ACTR3B: variants seen among roughly 807,000 people sequenced by gnomAD.
ACTR3B encodes actin-related protein 3B.
A neutral mutation model predicts 59.0 loss-of-function variants in ACTR3B; 8 were observed. The observed-to-expected ratio is 0.14, with a 90% CI of 0.08 to 0.24. The LOEUF (loss-of-function observed/expected upper bound fraction) is 0.24. Among genes scored for constraint, ACTR3B ranks in the 10% least tolerant of loss-of-function variants. The pLI is 1.00. For missense variants in ACTR3B, 245 were observed against 552.3 expected (o/e 0.44, Z 5.58); for synonymous variants, 148 against 197.9 (o/e 0.75, Z 2.12).
Position 152,854,460 on chromosome 7 carries a change from C to A in ACTR3B, c.1164C>A (p.Pro388=). Residue 388 remains proline (P), a splice_region_variant and synonymous_variant, in exon 12 of 12, where the codon CCC becomes CCA. Transcript: ENST00000256001. The surrounding 1 kb of genome is among the most constrained non-coding windows in gnomAD (Gnocchi z 4.9). ...WFGGSMLAST[P]EFFQVCHTKK... Reference sequence around the variant, plus strand: ...TGTCTGCCTGTTGCCTCTCGTAGCCCGAGTTCTTTCAGGTCTGCCACACCA... The same window carrying A: ...TGTCTGCCTGTTGCCTCTCGTAGCCAGAGTTCTTTCAGGTCTGCCACACCA... The A allele has an allele frequency of 6.2e-7, 1 of 1,613,906 alleles. No individual in the cohort carries two copies. Among genetic ancestry groups the A allele is most frequent in the Non-Finnish European group, 8.5e-7 (1 of 1,179,912 alleles).
chr7:152,852,507 GT>G (rs1213275676), intron 10 of ACTR3B, among the ~76,000 whole-genome samples: 1 of 152,206 alleles, frequency 6.6e-6, no homozygotes, highest in Non-Finnish European at 1.5e-5. Flanking sequence ...CCTGCCAGCA[GT>G]TTCCTTTTGT....
chr7:152,848,608 A>G (rs1390130916), intron 9 of ACTR3B, among the ~76,000 whole-genome samples: 1 of 152,248 alleles, frequency 6.6e-6, no homozygotes, highest in Non-Finnish European at 1.5e-5. Flanking sequence ...TCTCCAGAAT[A>G]TCATCGGCCA....
rs59352395 is a variant in ACTR3B, at chr7:152,775,841, G to A, written c.45-7346G>A. On this transcript the variant is annotated intron_variant, in intron 1 of 11. Transcript: ENST00000256001. Reference sequence around the variant, plus strand: ...TTGGAAAGATACACAGGAATAGAAGGTGGATAGAAGGCAGAAATGAGGTAG... The same window carrying A: ...TTGGAAAGATACACAGGAATAGAAGATGGATAGAAGGCAGAAATGAGGTAG... 4.4e-3 allele frequency among the ~76,000 whole-genome samples: 664 copies of A among 152,234 alleles called. 2 individuals are homozygous for A. Among genetic ancestry groups the A allele is most frequent in the African/African-American group, 0.015 (630 of 41,530 alleles).
At chr7:152,829,710 C>T (rs1315933882) in intron 9 of ACTR3B, among the ~76,000 whole-genome samples, 2 of 152,132 alleles carry the variant, frequency 1.3e-5, no homozygotes, top group African/African-American at 4.8e-5. Context: ...GGAGCCTGGA[C>T]ACCTGGATGG....
In ACTR3B at chr7:152,759,816, C is replaced by G; in HGVS notation, c.-67C>G. On this transcript the variant is annotated 5_prime_UTR_variant, in exon 1 of 12. Coordinates refer to ENST00000256001, the MANE Select transcript of ACTR3B (RefSeq NM_020445.6). The stretch of plus-strand genomic sequence containing the variant: ...AGACGCTGCGCGCGGGGCTAGCGGG[C>G]GGCGGAGCGGACGGCGACGGGGCGC... The G allele has an allele frequency of 8.7e-7, 1 of 1,146,352 alleles. No individual in the cohort carries two copies. The highest frequency in any genetic ancestry group is 4.6e-5 in the Admixed American group (1 of 21,816). 71.0% of individuals were successfully genotyped at this position (1,146,352 alleles called of 1,614,324 possible).
At chr7:152,761,249 C>A (rs1231818203) in intron 1 of ACTR3B, among the ~76,000 whole-genome samples, 6 of 152,166 alleles carry the variant, frequency 3.9e-5, no homozygotes, top group African/African-American at 1.4e-4. Flanking sequence ...AGCTCCCCTC[C>A]CTCAATTATT....
chr7:152,780,236 A>G (rs1350963416), intron 1 of ACTR3B, among the ~76,000 whole-genome samples: 2 of 151,662 alleles, frequency 1.3e-5, no homozygotes, highest in African/African-American at 4.8e-5. Context: ...CTGTAATTCC[A>G]GCTACTGAGG....
intron 1 of ACTR3B, among the ~76,000 whole-genome samples, chr7:152,766,619 C>T (rs1254739996): frequency 1.4e-4 from 21 of 152,240 alleles, no homozygotes; most frequent in South Asian, 2.1e-4. Flanking sequence ...TAATGATATA[C>T]GTTGCAAATA....
intron 9 of ACTR3B, among the ~76,000 whole-genome samples, chr7:152,850,185 G>C (rs1472361110): frequency 1.3e-5 from 2 of 151,950 alleles, no homozygotes; most frequent in African/African-American, 4.8e-5. Flanking sequence ...TGGAAGACCA[G>C]ATCACTGGTG....
At chr7:152,797,451 T>G (rs551207253) in intron 2 of ACTR3B, among the ~76,000 whole-genome samples, 9 of 152,352 alleles carry the variant, frequency 5.9e-5, no homozygotes, top group African/African-American at 2.2e-4. Context: ...AATATGATGT[T>G]TTGAAGTATA....
At chr7:152,822,371 A>G (rs1796242913) in intron 7 of ACTR3B, among the ~76,000 whole-genome samples, 1 of 152,202 alleles carries the variant, frequency 6.6e-6, no homozygotes, top group African/African-American at 2.4e-5. Flanking sequence ...ACCTGCTGCT[A>G]TGCGGAGGCC....
chr7:152,848,872 C>T (rs1162845730), intron 9 of ACTR3B, among the ~76,000 whole-genome samples: 1 of 152,182 alleles, frequency 6.6e-6, no homozygotes, highest in Admixed American at 6.5e-5. Flanking sequence ...TCCCTAGACT[C>T]TGACAGGAGC....
chr7:152,773,398 C>G lies in ACTR3B; in HGVS notation c.45-9789C>G, dbSNP rs571994120. On this transcript the variant is annotated intron_variant, in intron 1 of 11. Transcript: ENST00000256001. ...AGGTCAGAGTTCGAGACCAGCCTGGCCAACATGGTGAAACCCCGTCTCTAC... is the reference window on the plus strand; with the variant it reads ...AGGTCAGAGTTCGAGACCAGCCTGGGCAACATGGTGAAACCCCGTCTCTAC... Among the ~76,000 whole-genome samples, 48 of 152,152 alleles carry G rather than the reference C, an allele frequency of 3.2e-4. 1 individual carries two copies. The South Asian group carries it at 9.5e-3, about 30-fold the overall frequency.
chr7:152,761,695 C>G (rs959382190), intron 1 of ACTR3B, among the ~76,000 whole-genome samples: 3 of 152,076 alleles, frequency 2.0e-5, no homozygotes, highest in Non-Finnish European at 4.4e-5. Context: ...TTCCCCATAT[C>G]GAGTGTATGG....
At chr7:152,852,470 G>C (rs1013309996) in intron 10 of ACTR3B, among the ~76,000 whole-genome samples, 1 of 152,192 alleles carries the variant, frequency 6.6e-6, no homozygotes, top group Non-Finnish European at 1.5e-5. Context: ...ACACAGCAAC[G>C]GCAGCTTCAC....
intron 1 of ACTR3B, among the ~76,000 whole-genome samples, chr7:152,769,075 A>G (rs1488646260): frequency 6.6e-6 from 1 of 151,586 alleles, no homozygotes; most frequent in Admixed American, 6.6e-5. Context: ...CTGGTCTCGA[A>G]CTCCTGACCT....
At chr7:152,785,288 C>T (rs2098167647) in intron 2 of ACTR3B, among the ~76,000 whole-genome samples, 1 of 145,130 alleles carries the variant, frequency 6.9e-6, no homozygotes, top group African/African-American at 2.6e-5. Flanking sequence ...CTGTCAGAAC[C>T]TTAGCAGTCG....
rs535959674 is a variant in ACTR3B at position 152,848,061 on chromosome 7, A to G, written c.952-4065A>G. On this transcript the variant is annotated intron_variant, in intron 9 of 11. Coordinates refer to ENST00000256001, the MANE Select transcript of ACTR3B (RefSeq NM_020445.6). ...GGAGACTTAGAGGTGTGAATGGACT[A>G]TGTACCTCTCAGATTATCCTTCAGA... Among the ~76,000 whole-genome samples, 11 of 152,342 alleles carry G rather than the reference A, an allele frequency of 7.2e-5. No homozygotes were observed. The South Asian group carries it at 2.1e-3, about 29-fold the overall frequency.
At chr7:152,794,174 G>T (rs2098207286) in intron 2 of ACTR3B, among the ~76,000 whole-genome samples, 1 of 152,014 alleles carries the variant, frequency 6.6e-6, no homozygotes, top group Non-Finnish European at 1.5e-5. Flanking sequence ...AGTATACTTT[G>T]TGTGTGTGTA....
Sources: allele counts gnomAD v4.1 joint callset (sites outside exome capture counted in the v4.1 genomes callset), GRCh38; gene constraint gnomAD v4.1.1; non-coding constraint Gnocchi (gnomAD v3.1); transcripts MANE v1.5; gene names NCBI Gene and HGNC (gene_info 2026-07-23, HGNC 2026-07-21).